The following TTC4 variants were observed in gnomAD, a reference collection of about 807,000 sequenced individuals.
TTC4 encodes hsp70/Hsp90 co-chaperone CNS1 homolog.
In TTC4, 36 loss-of-function variants were observed where a neutral mutation model predicts 51.9. The observed-to-expected ratio is 0.69, with a 90% CI of 0.53 to 0.92. The LOEUF is 0.92. Ranked by LOEUF, TTC4 falls within the 40% of genes least tolerant of loss-of-function variation. The probability of loss-of-function intolerance (pLI) is 0.00; values close to 1 mark genes in which losing one functional copy is unlikely to be tolerated. For missense variants in TTC4, 399 were observed against 454.6 expected (o/e 0.88, Z 1.11); for synonymous variants, 144 against 164.2 (o/e 0.88, Z 0.94).
Position 54,741,590 on chromosome 1 carries a change from C to A in TTC4, c.*77C>A. On this transcript the variant is annotated 3_prime_UTR_variant, in exon 10 of 10. Transcript: ENST00000371281. ...AGCACACCTGAATCAGCTGGACATA[C>A]TGCTGGAGTCCAGTGCTTTCTTTCC... The A allele has an allele frequency of 8.4e-7, 1 of 1,195,624 alleles. No individual in the cohort carries two copies. The highest frequency in any genetic ancestry group is 1.2e-6 in the Non-Finnish European group (1 of 804,230). 74.1% of individuals were successfully genotyped at this position (1,195,624 alleles called of 1,614,324 possible). A position where few individuals can be genotyped will look rare whatever the true frequency, so the allele number is the denominator to read the frequency against.
chr1:54,733,743 ATTAATTTTTTT>A (rs2101351083), intron 8 of TTC4, 33 bp downstream of exon 8: 2 of 1,121,806 alleles, frequency 1.8e-6, no homozygotes, highest in African/African-American at 2.1e-5. Context: ...CCTCTATGGA[ATTAATTTTTTT>A]TTTTTTTTTT....
chr1:54,728,246 G>A, intron 5 of TTC4, 100 bp from the exon 6 acceptor site: 1 of 1,035,252 alleles, frequency 9.7e-7, no homozygotes, highest in South Asian at 1.6e-5. Flanking sequence ...ACAGGAGCTT[G>A]GGTTGGATAG....
rs1000363913 is a variant in TTC4, at chr1:54,726,040, A to C, written c.595-2306A>C. ...AAGGAGAGAAGAGAGAGAATGGGCA[A>C]AAGAATACTTGGGGAAATATTGGCC... On this transcript the variant is annotated intron_variant, in intron 5 of 9. Coordinates refer to ENST00000371281, the MANE Select transcript of TTC4 (RefSeq NM_004623.5). Among the ~76,000 whole-genome samples, 2 of 152,226 alleles carry C rather than the reference A, an allele frequency of 1.3e-5. 1 individual carries two copies. Among genetic ancestry groups the C allele is most frequent in the South Asian group, 4.1e-4 (2 of 4,830 alleles).
chr1:54,733,436 TA>T (rs1416540816), intron 7 of TTC4, among the ~76,000 whole-genome samples, 192 bp from the exon 8 acceptor site: 3 of 150,206 alleles, frequency 2.0e-5, no homozygotes, highest in Non-Finnish European at 4.5e-5. Flanking sequence ...AAAAATAAAA[TA>T]AAATAAAATA....
Position 54,731,557 on chromosome 1 carries a change from T to C in TTC4, c.753T>C (p.Leu251=), listed in dbSNP as rs972889865. The C allele has an allele frequency of 1.9e-6, 3 of 1,614,028 alleles. No homozygotes were observed. Among genetic ancestry groups the C allele is most frequent in the Non-Finnish European group, 1.7e-6 (2 of 1,179,990 alleles). The part of the protein sequence containing the change: ...EDSASEGLGE[L]FLDGLSTENP... ...CAGCCTCAGAAGGTCTAGGTGAGCT[T>C]TTCCTGGATGGACTCAGCACTGAGA... is the stretch of plus-strand genomic sequence containing the variant. Residue 251 remains leucine, a synonymous_variant, in exon 7 of 10, where the codon CTT becomes CTC. Transcript: ENST00000371281.
At chr1:54,732,345 G>A (rs1407323415) in intron 7 of TTC4, among the ~76,000 whole-genome samples, 2 of 146,306 alleles carry the variant, frequency 1.4e-5, no homozygotes, top group African/African-American at 2.5e-5. Context: ...ATAAAAAAGA[G>A]ATATATGTAT....
At chr1:54,719,689 A>G (rs183712248) in intron 3 of TTC4, among the ~76,000 whole-genome samples, 1 of 152,234 alleles carries the variant, frequency 6.6e-6, no homozygotes, top group African/African-American at 2.4e-5. Context: ...TGGACATGCC[A>G]CTATTTATAC....
chr1:54,725,346 G>A (rs1284902274), intron 5 of TTC4, among the ~76,000 whole-genome samples: 1 of 152,176 alleles, frequency 6.6e-6, no homozygotes, highest in African/African-American at 2.4e-5. Flanking sequence ...CAAACAATAG[G>A]TGCATCATAA....
chr1:54,728,568 C>T, intron 6 of TTC4, 136 bp downstream of exon 6: 1 of 837,342 alleles, frequency 1.2e-6, no homozygotes, highest in Non-Finnish European at 1.8e-6. Context: ...AGCAGTGTGA[C>T]AGAGGAGACC....
chr1:54,733,625 T>G lies in TTC4; in HGVS notation c.897-4T>G. On this transcript the variant is annotated splice_polypyrimidine_tract_variant and splice_region_variant and intron_variant, in intron 7 of 9. Transcript: ENST00000371281. ...TACCCAGAAAGTACATGTTTTATCC[T>G]TAGGTTTATTGATCATCTAATGGTG... 1.3e-6 allele frequency: 2 copies of G among 1,594,894 alleles called. No individual in the cohort carries two copies. Among genetic ancestry groups the G allele is most frequent in the Non-Finnish European group, 1.7e-6 (2 of 1,170,854 alleles).
intron 8 of TTC4, 50 bp downstream of exon 8, chr1:54,733,760 T>C (rs200180684): frequency 8.0e-7 from 1 of 1,253,176 alleles, no homozygotes; most frequent in East Asian, 2.5e-5. Context: ...TTTTTTTTTT[T>C]TTTTTTTTTT....
intron 5 of TTC4, among the ~76,000 whole-genome samples, chr1:54,726,867 G>T (rs1645805693): frequency 6.6e-6 from 1 of 151,982 alleles, no homozygotes; most frequent in African/African-American, 2.4e-5. Flanking sequence ...CAAACTCCTG[G>T]GCTCAAGCAG....
chr1:54,741,319 C>A, intron 9 of TTC4, 92 bp from the exon 10 acceptor site: 2 of 1,083,574 alleles, frequency 1.8e-6, no homozygotes, highest in Non-Finnish European at 2.9e-6. Context: ...GACTCCCATC[C>A]AGAGGCTCAC....
Position 54,722,783 on chromosome 1 carries a change from A to G in TTC4, c.578A>G (p.Lys193Arg), listed in dbSNP as rs1400519951. 6 of 1,613,828 alleles carry G rather than the reference A, an allele frequency of 3.7e-6. No homozygotes were observed. In the Admixed American group the frequency reaches 5.0e-5, roughly 13 times the overall value. ...KEKKLLEMRA[K>R]ADKLKRIEQR... ...AAGAAGCTTCTGGAAATGAGGGCTAAAGCAGACAAGCTGAAGGTTGGTGAC... is the reference window on the plus strand; with the variant it reads ...AAGAAGCTTCTGGAAATGAGGGCTAGAGCAGACAAGCTGAAGGTTGGTGAC... The change falls in exon 5 of 10, where the codon AAA (lysine) becomes AGA (arginine). Residue 193 changes from lysine to arginine, a missense_variant. Coordinates refer to ENST00000371281, the MANE Select transcript of TTC4 (RefSeq NM_004623.5).
intron 6 of TTC4, among the ~76,000 whole-genome samples, chr1:54,730,762 G>T (rs1645855457): frequency 1.3e-5 from 2 of 150,850 alleles, no homozygotes; most frequent in South Asian, 4.2e-4. Context: ...AGTATTCCAT[G>T]TCCCAACTAA....
chr1:54,736,268 G>GTGTGTGTA (rs1557753179), intron 8 of TTC4, among the ~76,000 whole-genome samples: 3 of 117,980 alleles, frequency 2.5e-5, no homozygotes, highest in African/African-American at 1.3e-4. Flanking sequence ...GAGAGAGAGA[G>GTGTGTGTA]AGACCATGAA....
At chr1:54,739,064 GT>G (rs1327263097) in intron 9 of TTC4, among the ~76,000 whole-genome samples, 3 of 151,160 alleles carry the variant, frequency 2.0e-5, no homozygotes, top group Admixed American at 1.3e-4. Flanking sequence ...TAGAGATGGG[GT>G]TTTACCATGT....
intron 5 of TTC4, among the ~76,000 whole-genome samples, chr1:54,723,175 G>C (rs928954741): frequency 3.9e-5 from 6 of 152,206 alleles, no homozygotes; most frequent in African/African-American, 1.4e-4. Flanking sequence ...ACAGGATTCA[G>C]TGTAGTTATG....
chr1:54,727,688 CAAAAAAAAAAAAA>C (rs200521894), intron 5 of TTC4, among the ~76,000 whole-genome samples: 2 of 43,602 alleles, frequency 4.6e-5, no homozygotes, highest in Non-Finnish European at 6.5e-5. Flanking sequence ...CTCATCTCTA[CAAAAAAAAAAAAA>C]AAAAAAAAAG....
Sources: allele counts gnomAD v4.1 joint callset (sites outside exome capture counted in the v4.1 genomes callset), GRCh38; gene constraint gnomAD v4.1.1; transcripts MANE v1.5; gene names NCBI Gene and HGNC (gene_info 2026-07-23, HGNC 2026-07-21).